The following RIT2 variants were observed in gnomAD, a reference collection of about 807,000 sequenced individuals.
RIT2 encodes the protein Ras like without CAAX 2.
In RIT2, 24 loss-of-function variants were observed where a neutral mutation model predicts 23.7. The observed-to-expected ratio is 1.01, with a 90% confidence interval of 0.73 to 1.43. The LOEUF (loss-of-function observed/expected upper bound fraction) is 1.43. Among genes scored for constraint, RIT2 ranks in the 40% most tolerant of loss-of-function variants. The probability of loss-of-function intolerance (pLI) is 0.00; values close to 1 mark genes in which losing one functional copy is unlikely to be tolerated. For synonymous variants in RIT2, 107 were observed against 91.1 expected (o/e 1.17, Z -0.99); for missense variants, 236 against 266.9 (o/e 0.88, Z 0.81).
At chr18:42,866,231 T>G (rs1907466276) in intron 4 of RIT2, among the ~76,000 whole-genome samples, 1 of 152,186 alleles carries the variant, frequency 6.6e-6, no homozygotes, top group African/African-American at 2.4e-5. Flanking sequence ...CTTAAACTAA[T>G]GCACATGTCT....
At chr18:42,995,269 T>G (rs1225402126) in intron 2 of RIT2, among the ~76,000 whole-genome samples, 1 of 151,978 alleles carries the variant, frequency 6.6e-6, no homozygotes, top group Non-Finnish European at 1.5e-5. Flanking sequence ...CAGGGATTTT[T>G]CAGGCCCCCT....
intron 2 of RIT2, among the ~76,000 whole-genome samples, chr18:43,006,847 T>A (rs9948936): frequency 0.95 from 144,582 of 151,450 alleles, 69,364 homozygotes; most frequent in East Asian, 1. Context: ...AATTACATTT[T>A]AAAAAGTTAC....
chr18:43,003,580 T>C (rs1025556321), intron 2 of RIT2, among the ~76,000 whole-genome samples: 8 of 151,876 alleles, frequency 5.3e-5, no homozygotes, highest in Non-Finnish European at 7.4e-5. Flanking sequence ...TTGACTTCTA[T>C]TTAATTGACT....
intron 4 of RIT2, among the ~76,000 whole-genome samples, chr18:42,868,476 A>G (rs937297701): frequency 2.6e-5 from 4 of 152,256 alleles, no homozygotes; most frequent in African/African-American, 9.6e-5. Flanking sequence ...TCAAGATCTT[A>G]TGGTTAGTAC....
intron 4 of RIT2, among the ~76,000 whole-genome samples, chr18:42,803,729 C>G (rs1905602779): frequency 6.6e-6 from 1 of 152,004 alleles, no homozygotes; most frequent in African/African-American, 2.4e-5. Context: ...TATTTGCTGC[C>G]CGTGGTATTT....
At chr18:43,081,147 C>A (rs117557186) in intron 1 of RIT2, among the ~76,000 whole-genome samples, 1 of 152,022 alleles carries the variant, frequency 6.6e-6, no homozygotes, top group Admixed American at 6.6e-5. Flanking sequence ...ACATATAGAT[C>A]TATTAATGGA....
chr18:43,082,171 T>C (rs1913172744), intron 1 of RIT2, among the ~76,000 whole-genome samples: 2 of 152,208 alleles, frequency 1.3e-5, no homozygotes, highest in African/African-American at 4.8e-5. Flanking sequence ...GATTTTCTTG[T>C]TTATTTGCAT....
At chr18:42,935,057 CAG>C (rs34631989) in intron 3 of RIT2, among the ~76,000 whole-genome samples, 26,404 of 152,020 alleles carry the variant, frequency 0.17, 2,843 homozygotes, top group East Asian at 0.34. Flanking sequence ...TAGAAAAAGT[CAG>C]AGTGTCTGTG....
chr18:42,900,281 T>C (rs1170494396), intron 4 of RIT2, among the ~76,000 whole-genome samples: 1 of 152,090 alleles, frequency 6.6e-6, no homozygotes, highest in African/African-American at 2.4e-5. Context: ...GTATAGACAC[T>C]TAATGAGTTT....
chr18:42,758,916 A>T (rs1437824999), intron 4 of RIT2, among the ~76,000 whole-genome samples: 1 of 152,020 alleles, frequency 6.6e-6, no homozygotes, highest in Non-Finnish European at 1.5e-5. Context: ...CTTGATTCTG[A>T]CCAGGACTTA....
chr18:42,783,113 G>C (rs1913848973), intron 4 of RIT2, among the ~76,000 whole-genome samples: 1 of 152,120 alleles, frequency 6.6e-6, no homozygotes, highest in African/African-American at 2.4e-5. Context: ...CTGAGTATTA[G>C]TGTCTTACCA....
chr18:42,937,527 T>G (rs1210743442), intron 3 of RIT2, among the ~76,000 whole-genome samples: 1 of 152,104 alleles, frequency 6.6e-6, no homozygotes, highest in Non-Finnish European at 1.5e-5. Context: ...TAGGGCAGCA[T>G]GCATGGATTC....
intron 4 of RIT2, among the ~76,000 whole-genome samples, chr18:42,804,964 T>C (rs1379621402): frequency 6.6e-6 from 1 of 152,182 alleles, no homozygotes; most frequent in Non-Finnish European, 1.5e-5. Context: ...TATTGCAATT[T>C]TCATCAGCAA....
At chr18:42,965,583 G>T (rs1910197570) in intron 3 of RIT2, among the ~76,000 whole-genome samples, 1 of 151,852 alleles carries the variant, frequency 6.6e-6, no homozygotes, top group Admixed American at 6.6e-5. Flanking sequence ...TCAAGGAAAA[G>T]CTGAAAATAA....
At chr18:42,991,164 C>T (rs1568048879) in intron 2 of RIT2, among the ~76,000 whole-genome samples, 2 of 152,120 alleles carry the variant, frequency 1.3e-5, no homozygotes, top group Non-Finnish European at 2.9e-5. Context: ...TCCTACCTTC[C>T]ATGATTGAGA....
chr18:42,969,317 C>T lies in RIT2; in HGVS notation c.234+4757G>A, dbSNP rs568043563. 6.6e-5 allele frequency among the ~76,000 whole-genome samples: 10 copies of T among 152,042 alleles called. No individual in the cohort carries two copies. The South Asian group carries it at 1.2e-3, about 19-fold the overall frequency. On this transcript the variant is annotated intron_variant, in intron 3 of 4. Coordinates refer to ENST00000326695, the MANE Select transcript of RIT2 (RefSeq NM_002930.4). ...AAGGGGTCATGCCCTTAAGTATTCT[C>T]TTTAAAGATAAGCCACAAACTGGGG...
chr18:43,033,851 A>G lies in RIT2; in HGVS notation c.120T>C (p.Phe40=). ...GVGKSAMTMQ[F]ISHQFPDYHD... Reference sequence around the variant, plus strand: ...GATAATCAGGGAACTGATGACTAATAAACTGCATTGTCATTGCTGAAAGAA... The same window carrying G: ...GATAATCAGGGAACTGATGACTAATGAACTGCATTGTCATTGCTGAAAGAA... The change falls in exon 2 of 5, where the codon TTT becomes TTC. Residue 40 remains phenylalanine, a synonymous_variant. Transcript: ENST00000326695. The G allele has an allele frequency of 1.2e-6, 2 of 1,607,464 alleles. No homozygotes were observed. The highest frequency in any genetic ancestry group is 8.5e-7 in the Non-Finnish European group (1 of 1,175,228).
intron 2 of RIT2, among the ~76,000 whole-genome samples, chr18:43,011,018 G>C (rs576382074): frequency 6.6e-6 from 1 of 151,766 alleles, no homozygotes; most frequent in Non-Finnish European, 1.5e-5. Flanking sequence ...TGCAAGAAAA[G>C]ATAACGGTTA....
intron 1 of RIT2, among the ~76,000 whole-genome samples, chr18:43,065,703 T>C (rs1473396577): frequency 1.3e-5 from 2 of 152,122 alleles, no homozygotes; most frequent in East Asian, 3.9e-4. Context: ...CTATTGAAAA[T>C]TGTGTGGTAA....
Sources: allele counts gnomAD v4.1 joint callset (sites outside exome capture counted in the v4.1 genomes callset), GRCh38; gene constraint gnomAD v4.1.1; transcripts MANE v1.5; gene names NCBI Gene and HGNC (gene_info 2026-07-23, HGNC 2026-07-21).